The following SLC6A7 variants were observed in gnomAD, a reference collection of about 807,000 sequenced individuals.
The protein encoded by SLC6A7 is sodium-dependent proline transporter.
Under a neutral mutation model 73.1 loss-of-function variants are expected in SLC6A7, and 58 were observed. The ratio of observed to expected loss-of-function variants is 0.79; its 90% CI spans 0.64 to 0.99. The LOEUF is 0.99. SLC6A7 is among the 50% of genes least tolerant of loss of function. The pLI is 0.00. For synonymous variants in SLC6A7, 338 were observed against 338.7 expected (o/e 1.00, Z 0.02); for missense variants, 783 against 831.4 (o/e 0.94, Z 0.72).
At chr5:150,204,990 C>A in intron 12 of SLC6A7, 63 bp downstream of exon 12, 1 of 1,073,540 alleles carries the variant, frequency 9.3e-7, no homozygotes, top group Non-Finnish European at 1.4e-6. Flanking sequence ...GGAGTCCCCT[C>A]TGCACGTTCA....
chr5:150,205,388 G>T (rs1753637390), intron 12 of SLC6A7, 68 bp from the exon 13 acceptor site: 1 of 1,277,888 alleles, frequency 7.8e-7, no homozygotes. Flanking sequence ...GCACTAGGCT[G>T]GGCTACCTCG....
At chr5:150,196,964 G>T in intron 3 of SLC6A7, 78 bp from the exon 4 acceptor site, 1 of 1,534,572 alleles carries the variant, frequency 6.5e-7, no homozygotes, top group Non-Finnish European at 8.9e-7. Context: ...CCAGATAGCT[G>T]CCAGCTCCCC....
rs1753660313 is a variant in SLC6A7, at chr5:150,205,606, G to A, written c.1684G>A (p.Glu562Lys). 1 of 1,611,122 alleles carries A rather than the reference G, an allele frequency of 6.2e-7. No homozygotes were observed. The highest frequency in any genetic ancestry group is 1.1e-5 in the South Asian group (1 of 90,562). ...AGMLVAVLRE[E>K]GSLWERLQQA... is the part of the protein sequence containing the mutation. Reference sequence around the variant, plus strand: ...CATGCTGGTGGCTGTGCTTCGAGAAGAGGGCTCACTCTGGGAGGTGAGTCT... The same window carrying A: ...CATGCTGGTGGCTGTGCTTCGAGAAAAGGGCTCACTCTGGGAGGTGAGTCT... The change falls in exon 13 of 14, where the codon GAG (glutamate) becomes AAG (lysine). Residue 562 changes from glutamate to lysine, a missense_variant. Transcript: ENST00000230671.
chr5:150,208,851 G>T (rs1231639624), intron 13 of SLC6A7, among the ~76,000 whole-genome samples: 4 of 152,204 alleles, frequency 2.6e-5, no homozygotes, highest in African/African-American at 9.7e-5. Flanking sequence ...CAAGGGAAAG[G>T]TCAGAGGCAG....
intron 1 of SLC6A7, among the ~76,000 whole-genome samples, chr5:150,193,518 G>C (rs1461048522): frequency 6.6e-6 from 1 of 152,138 alleles, no homozygotes; most frequent in African/African-American, 2.4e-5. Context: ...ATGCGGGGAG[G>C]GGGAGTATTG....
At chr5:150,195,299 G>T (rs76472466) in intron 2 of SLC6A7, 12,191 of 170,756 alleles carry the variant, frequency 0.071, 524 homozygotes, top group African/African-American at 0.1. Context: ...CCTGAGCTGT[G>T]CTCCATCAAT....
intron 2 of SLC6A7, among the ~76,000 whole-genome samples, chr5:150,196,467 C>T (rs946571165): frequency 6.6e-6 from 1 of 152,230 alleles, no homozygotes; most frequent in Non-Finnish European, 1.5e-5. Flanking sequence ...TTCATTCATT[C>T]ACTCCCTCAG....
Position 150,204,942 on chromosome 5 carries a change from C to A in SLC6A7, c.1533+15C>A. 4.1e-6 allele frequency: 2 copies of A among 490,948 alleles called. No individual in the cohort carries two copies. Among genetic ancestry groups the A allele is most frequent in the Non-Finnish European group, 8.3e-6 (2 of 240,608 alleles). The allele number at this position is 490,948 out of a possible 1,614,324, so 30.4% of individuals were successfully genotyped here. A position where few individuals can be genotyped will look rare whatever the true frequency, so the allele number is the denominator to read the frequency against. The stretch of plus-strand genomic sequence containing the variant: ...CCACGCTCTTGGTAACTGGGGAGGG[C>A]GGGAGGGTTTCTGGCTGGGGCCCCA... On this transcript the variant is annotated intron_variant, in intron 12 of 13. Coordinates refer to ENST00000230671, the MANE Select transcript of SLC6A7 (RefSeq NM_014228.5).
intron 2 of SLC6A7, 68 bp from the exon 3 acceptor site, chr5:150,196,648 C>G (rs773472525): frequency 6.6e-7 from 1 of 1,504,720 alleles, no homozygotes; most frequent in Non-Finnish European, 9.1e-7. Flanking sequence ...AGGGGAGGGG[C>G]GGGGCTAGAG....
rs1448696278 is a variant in SLC6A7 at position 150,210,478 on chromosome 5, G to GC, written c.*865dup. On this transcript the variant is annotated 3_prime_UTR_variant, in exon 14 of 14. Transcript: ENST00000230671. The stretch of plus-strand genomic sequence containing the variant: ...GGACGGGACAGGGTGGAGCGGGGAG[G>GC]CCTGTGCAAAGTGGGAAAGAGCTGC... 1 of 152,726 alleles carries GC rather than the reference G, an allele frequency of 6.5e-6. No homozygotes were observed. Among genetic ancestry groups the GC allele is most frequent in the African/African-American group, 2.4e-5 (1 of 41,438 alleles). 9.5% of individuals were successfully genotyped at this position (152,726 alleles called of 1,614,324 possible). A position where few individuals can be genotyped will look rare whatever the true frequency, so the allele number is the denominator to read the frequency against.
rs772309315 is a variant in SLC6A7, at chr5:150,199,214, T to C, written c.585-14T>C. On this transcript the variant is annotated splice_polypyrimidine_tract_variant and intron_variant, in intron 4 of 13. Transcript: ENST00000230671. ...GGGGTGACCAGGGGACACTGAGACC[T>C]TTGTCTCCCACAGCCGCTACGTCCT... 33 of 1,578,960 alleles carry C rather than the reference T, an allele frequency of 2.1e-5. No homozygotes were observed. Among genetic ancestry groups the C allele is most frequent in the Non-Finnish European group, 2.8e-5 (33 of 1,159,862 alleles).
At chr5:150,208,448 A>G (rs1188732942) in intron 13 of SLC6A7, among the ~76,000 whole-genome samples, 1 of 152,058 alleles carries the variant, frequency 6.6e-6, no homozygotes, top group East Asian at 1.9e-4. Context: ...GGTGGAGCTG[A>G]TATCAGGGAG....
chr5:150,190,112 C>A lies in SLC6A7; in HGVS notation c.-216C>A, dbSNP rs1279111676. The A allele has an allele frequency of 4.6e-5, 21 of 454,402 alleles. No homozygotes were observed. The Admixed American group carries it at 7.6e-4, about 17-fold the overall frequency. 28.1% of individuals were successfully genotyped at this position (454,402 alleles called of 1,614,324 possible). On this transcript the variant is annotated 5_prime_UTR_variant, in exon 1 of 14. Coordinates refer to ENST00000230671, the MANE Select transcript of SLC6A7 (RefSeq NM_014228.5). ...GCGGGCGCAGCAGTGCACCCTTCCC[C>A]AGCCTCGGGCGCTGCGCAGGGACAG...
Position 150,205,563 on chromosome 5 carries a change from C to T in SLC6A7, c.1641C>T (p.Cys547=). The change falls in exon 13 of 14, where the codon TGC becomes TGT. Residue 547 remains cysteine, a synonymous_variant. Coordinates refer to ENST00000230671, the MANE Select transcript of SLC6A7 (RefSeq NM_014228.5). ...GCATCCTGATGGGCCTGCTGTCCTG[C>T]CTCATGATCCCAGCTGGCATGCTGG... ...LLGILMGLLS[C]LMIPAGMLVA... is the part of the protein sequence containing the mutation. 6.2e-7 allele frequency: 1 copy of T among 1,613,690 alleles called. No individual in the cohort carries two copies. The highest frequency in any genetic ancestry group is 8.5e-7 in the Non-Finnish European group (1 of 1,179,852).
At chr5:150,195,945 C>T (rs1164588707) in intron 2 of SLC6A7, among the ~76,000 whole-genome samples, 2 of 152,172 alleles carry the variant, frequency 1.3e-5, no homozygotes, top group African/African-American at 4.8e-5. Context: ...TGGTGGGGGA[C>T]AGGCCTTGGG....
Position 150,199,348 on chromosome 5 carries a change from T to C in SLC6A7, c.705T>C (p.Gly235=). ...TCGTGTTCCTCTGTATCCTCAAGGG[T>C]GTGAAGTCTTCGGGCAAGGTGAAGC... is the stretch of plus-strand genomic sequence containing the variant. The part of the protein sequence containing the change: ...WVIVFLCILK[G]VKSSGKVVYF... Residue 235 remains glycine, a synonymous_variant, in exon 5 of 14, where the codon GGT becomes GGC. Coordinates refer to ENST00000230671, the MANE Select transcript of SLC6A7 (RefSeq NM_014228.5). 1.2e-6 allele frequency: 2 copies of C among 1,613,176 alleles called. No individual in the cohort carries two copies. Among genetic ancestry groups the C allele is most frequent in the Non-Finnish European group, 1.7e-6 (2 of 1,179,510 alleles).
At chr5:150,194,637 C>A in intron 1 of SLC6A7, 91 bp from the exon 2 acceptor site, 1 of 885,636 alleles carries the variant, frequency 1.1e-6, no homozygotes, top group Non-Finnish European at 1.8e-6. Flanking sequence ...TTTCATTTAG[C>A]CCTGTTCAAT....
intron 2 of SLC6A7, among the ~76,000 whole-genome samples, chr5:150,196,489 C>T (rs1478663681): frequency 6.6e-6 from 1 of 152,256 alleles, no homozygotes; most frequent in African/African-American, 2.4e-5. Context: ...AGGCGTTTCT[C>T]AGCGTCTGCG....
At chr5:150,195,419 C>T (rs939456675) in intron 2 of SLC6A7, among the ~76,000 whole-genome samples, 3 of 152,244 alleles carry the variant, frequency 2.0e-5, no homozygotes, top group African/African-American at 4.8e-5. Flanking sequence ...ATCCCTGCTT[C>T]TCCATCAAGT....
Sources: gnomAD v4.1 joint callset for allele counts (sites outside exome capture counted in the v4.1 genomes callset) on GRCh38, gnomAD v4.1.1 for gene constraint, MANE v1.5 for transcripts, NCBI Gene and HGNC (gene_info 2026-07-23, HGNC 2026-07-21) for gene names.